The following PDE8A variants were observed in gnomAD, a reference collection of about 807,000 sequenced individuals.
The protein encoded by PDE8A is high affinity cAMP-specific and IBMX-insensitive 3',5'-cyclic phosphodiesterase 8A.
Under a neutral mutation model 105.0 loss-of-function variants are expected in PDE8A, and 59 were observed. The ratio of observed to expected loss-of-function variants is 0.56; its 90% confidence interval spans 0.46 to 0.70. The LOEUF (loss-of-function observed/expected upper bound fraction) is 0.70. Ranked by LOEUF, PDE8A falls within the 30% of genes least tolerant of loss-of-function variation. PDE8A has a pLI of 0.00. For missense variants in PDE8A, 1,014 were observed against 1,045.9 expected (o/e 0.97, Z 0.42); for synonymous variants, 355 against 371.9 (o/e 0.95, Z 0.52).
chr15:85,037,249 G>C (rs1206546688), intron 1 of PDE8A, among the ~76,000 whole-genome samples: 17 of 152,066 alleles, frequency 1.1e-4, no homozygotes, highest in Admixed American at 1.1e-3. Flanking sequence ...ATTTTTAGTA[G>C]AGACAGGGTT....
intron 8 of PDE8A, among the ~76,000 whole-genome samples, chr15:85,095,699 G>A (rs911451101): frequency 9.2e-5 from 14 of 151,774 alleles, no homozygotes; most frequent in African/African-American, 3.4e-4. Context: ...TTCCTCTGGT[G>A]ACTGGAAAAC....
At chr15:85,006,397 A>G (rs2080148161) in intron 1 of PDE8A, among the ~76,000 whole-genome samples, 1 of 152,232 alleles carries the variant, frequency 6.6e-6, no homozygotes, top group South Asian at 2.1e-4. Context: ...TGCCATACAC[A>G]GATTCCAGGT....
chr15:85,105,951 G>C (rs2080121900), intron 11 of PDE8A, among the ~76,000 whole-genome samples: 1 of 152,034 alleles, frequency 6.6e-6, no homozygotes, highest in African/African-American at 2.4e-5. Flanking sequence ...GTGGAGACGT[G>C]GTCCATCTCT....
chr15:85,043,404 GC>G (rs1252145453), intron 1 of PDE8A, among the ~76,000 whole-genome samples: 1 of 152,090 alleles, frequency 6.6e-6, no homozygotes, highest in African/African-American at 2.4e-5. Flanking sequence ...TTCTAGTCTG[GC>G]CTCCATGATT....
chr15:85,062,437 C>A (rs901324296), intron 1 of PDE8A: 3 of 152,260 alleles, frequency 2.0e-5, no homozygotes, highest in Non-Finnish European at 2.9e-5. Flanking sequence ...GTCTGACTCT[C>A]AAAGGGGATA....
chr15:85,058,027 GT>G (rs2081089193), intron 1 of PDE8A, among the ~76,000 whole-genome samples: 3 of 152,072 alleles, frequency 2.0e-5, no homozygotes. Context: ...TGTTGTCGTT[GT>G]TTTGTTTTTG....
At chr15:85,088,913 AATAAT>A (rs2141523712) in intron 6 of PDE8A, among the ~76,000 whole-genome samples, 1 of 152,332 alleles carries the variant, frequency 6.6e-6, no homozygotes, top group African/African-American at 2.4e-5. Context: ...ATTTGTTTAA[AATAAT>A]AGGTAGAAAT....
At chr15:85,096,610 A>T (rs12904238) in intron 8 of PDE8A, among the ~76,000 whole-genome samples, 31,668 of 152,128 alleles carry the variant, frequency 0.21, 4,307 homozygotes, top group Middle Eastern at 0.32. Flanking sequence ...GTAGACATGC[A>T]AGTTGTGGAC....
intron 8 of PDE8A, chr15:85,097,705 A>G (rs1398533381): frequency 4.7e-6 from 2 of 425,856 alleles, no homozygotes; most frequent in Non-Finnish European, 8.4e-6. Context: ...TTGTCTGCAG[A>G]TGGCCACTGA....
chr15:85,137,769 C>T, intron 21 of PDE8A, 28 bp from the exon 22 acceptor site: 7 of 1,327,332 alleles, frequency 5.3e-6, no homozygotes, highest in Non-Finnish European at 7.6e-6. Flanking sequence ...GCTGTGAAAG[C>T]ATATCACATT....
At chr15:85,045,614 A>G (rs561138982) in intron 1 of PDE8A, among the ~76,000 whole-genome samples, 9 of 152,286 alleles carry the variant, frequency 5.9e-5, no homozygotes, top group Non-Finnish European at 1.3e-4. Flanking sequence ...ATTAAAACTG[A>G]CTGGACCATG....
chr15:84,987,708 C>G (rs554220657), intron 1 of PDE8A, among the ~76,000 whole-genome samples: 16 of 151,734 alleles, frequency 1.1e-4, no homozygotes, highest in Non-Finnish European at 2.2e-4. Context: ...AACTCCTGAT[C>G]TCAGGTGATC....
chr15:85,103,066 CA>C lies in PDE8A; in HGVS notation c.1036+2874del, dbSNP rs200325130. Among the ~76,000 whole-genome samples, 167 of 151,886 alleles carry C rather than the reference CA, an allele frequency of 1.1e-3. 1 individual carries two copies. In the East Asian group the frequency reaches 0.019, roughly 17 times the overall value. On this transcript the variant is annotated intron_variant, in intron 11 of 21. Coordinates refer to ENST00000394553, the MANE Select transcript of PDE8A (RefSeq NM_002605.3). ...TGAAAACCTGTCTGTACCAAACATA[CA>C]AAAAATTAGCCGGGTGTGGTGACAC... is the stretch of plus-strand genomic sequence containing the variant.
chr15:85,076,907 G>A (rs867979260), intron 5 of PDE8A, 120 bp downstream of exon 5: 8 of 698,854 alleles, frequency 1.1e-5, no homozygotes, highest in African/African-American at 3.5e-5. Flanking sequence ...CTGGCCAGGC[G>A]TGGTGGCTCA....
At chr15:85,040,134 A>G (rs1335972017) in intron 1 of PDE8A, among the ~76,000 whole-genome samples, 1 of 152,110 alleles carries the variant, frequency 6.6e-6, no homozygotes, top group East Asian at 1.9e-4. Flanking sequence ...GGGGTGATGG[A>G]TATGTTAAAG....
At chr15:85,086,978 G>A (rs1056085996) in intron 6 of PDE8A, among the ~76,000 whole-genome samples, 14 of 150,430 alleles carry the variant, frequency 9.3e-5, no homozygotes, top group Admixed American at 3.3e-4. Context: ...TGGTCAGGCC[G>A]GTCTCAAACT....
chr15:85,124,048 A>C (rs1023554217), intron 19 of PDE8A, among the ~76,000 whole-genome samples: 1 of 152,094 alleles, frequency 6.6e-6, no homozygotes, highest in African/African-American at 2.4e-5. Flanking sequence ...CTTGGTCCTC[A>C]CTTAGAGGAG....
intron 7 of PDE8A, chr15:85,090,637 G>A (rs8029977): frequency 0.061 from 20,265 of 332,788 alleles, 1,577 homozygotes; most frequent in African/African-American, 0.24. Flanking sequence ...AATGTGTGGA[G>A]GGGGAGGACA....
chr15:85,069,617 T>C (rs1191292765), intron 3 of PDE8A, among the ~76,000 whole-genome samples: 3 of 152,162 alleles, frequency 2.0e-5, no homozygotes, highest in Non-Finnish European at 2.9e-5. Context: ...CCTTTTCTGA[T>C]TGATAGACCT....
Sources: gnomAD v4.1 joint callset for allele counts (sites outside exome capture counted in the v4.1 genomes callset) on GRCh38, gnomAD v4.1.1 for gene constraint, MANE v1.5 for transcripts, NCBI Gene and HGNC (gene_info 2026-07-23, HGNC 2026-07-21) for gene names.